GALNTL5: variants seen among roughly 807,000 people sequenced by gnomAD.
The protein encoded by GALNTL5 is inactive polypeptide N-acetylgalactosaminyltransferase-like protein 5.
In GALNTL5, 44 loss-of-function variants were observed where a neutral mutation model predicts 51.0. The observed-to-expected ratio is 0.86, with a 90% CI of 0.68 to 1.11. GALNTL5 has a LOEUF of 1.11. GALNTL5 is among the 50% of genes least tolerant of loss of function. The pLI is 0.00. For missense variants in GALNTL5, 528 were observed against 531.8 expected (o/e 0.99, Z 0.07); for synonymous variants, 192 against 182.8 (o/e 1.05, Z -0.41).
intron 5 of GALNTL5, among the ~76,000 whole-genome samples, chr7:151,996,063 A>G (rs967795950): frequency 6.6e-6 from 1 of 152,202 alleles, no homozygotes; most frequent in African/African-American, 2.4e-5. Flanking sequence ...TTTTTACAAA[A>G]TCCAGATGGC....
intron 3 of GALNTL5, chr7:151,982,743 C>A: frequency 1.5e-6 from 1 of 674,272 alleles, no homozygotes; most frequent in South Asian, 1.7e-5. Context: ...TCAACACAGT[C>A]TCAGGAAAGA....
At chr7:151,977,402 G>A (rs537358661) in intron 3 of GALNTL5, among the ~76,000 whole-genome samples, 22 of 152,142 alleles carry the variant, frequency 1.4e-4, no homozygotes, top group African/African-American at 1.9e-4. Context: ...AGCTGGGTAC[G>A]AACTTATGAG....
chr7:151,987,494 C>T (rs2081372702), intron 5 of GALNTL5, among the ~76,000 whole-genome samples: 1 of 152,162 alleles, frequency 6.6e-6, no homozygotes, highest in South Asian at 2.1e-4. Context: ...TGAAGATATT[C>T]TTTCGCAGGG....
intron 4 of GALNTL5, among the ~76,000 whole-genome samples, chr7:151,986,351 A>G (rs1360987519): frequency 6.6e-6 from 1 of 152,204 alleles, no homozygotes; most frequent in Non-Finnish European, 1.5e-5. Flanking sequence ...TAATATTTAC[A>G]GGGCGAGGCG....
intron 8 of GALNTL5, among the ~76,000 whole-genome samples, chr7:152,016,009 T>C (rs2081808350): frequency 6.6e-6 from 1 of 152,240 alleles, no homozygotes; most frequent in Non-Finnish European, 1.5e-5. Context: ...ACTTTAATTA[T>C]GAAGGTAATA....
At chr7:151,996,256 G>A (rs1363875889) in intron 5 of GALNTL5, among the ~76,000 whole-genome samples, 1 of 151,680 alleles carries the variant, frequency 6.6e-6, no homozygotes, top group Non-Finnish European at 1.5e-5. Context: ...TGTGCACAAT[G>A]TGCAGGTTAG....
At chr7:151,971,138 G>T in intron 3 of GALNTL5, 73 bp downstream of exon 3, 1 of 625,428 alleles carries the variant, frequency 1.6e-6, no homozygotes, top group Non-Finnish European at 2.5e-6. Flanking sequence ...TAGATAGATA[G>T]AAAGAAAACA....
rs201548642 is a variant in GALNTL5 at position 152,014,676 on chromosome 7, C to T, written c.1059C>T (p.Ile353=). The change falls in exon 8 of 9, where the codon ATC becomes ATT. Residue 353 remains isoleucine, a synonymous_variant. Coordinates refer to ENST00000392800, the MANE Select transcript of GALNTL5 (RefSeq NM_145292.4). The stretch of plus-strand genomic sequence containing the variant: ...TGTGTGGAGGCCAACTCTTTATAAT[C>T]CCCTGCTCTCGAGTAGGACATATCA... ...IWMCGGQLFI[I]PCSRVGHISK... The T allele has an allele frequency of 1.5e-5, 24 of 1,612,286 alleles. No individual in the cohort carries two copies. In the Admixed American group the frequency reaches 1.5e-4, roughly 10 times the overall value.
chr7:151,962,351 T>C (rs1337866904), intron 1 of GALNTL5, among the ~76,000 whole-genome samples: 1 of 151,768 alleles, frequency 6.6e-6, no homozygotes, highest in Non-Finnish European at 1.5e-5. Flanking sequence ...TTTAATTAAT[T>C]TTATACATCA....
chr7:151,997,401 T>C (rs4236435), intron 5 of GALNTL5, among the ~76,000 whole-genome samples: 103,611 of 152,026 alleles, frequency 0.68, 36,057 homozygotes, highest in East Asian at 0.88. Context: ...ACTTTAGGTT[T>C]CCACAAAATA....
intron 3 of GALNTL5, 104 bp from the exon 4 acceptor site, chr7:151,982,882 T>C: frequency 6.3e-7 from 1 of 1,599,576 alleles, no homozygotes; most frequent in South Asian, 1.1e-5. Flanking sequence ...GTTGAAGGAG[T>C]AAAGAGTCAA....
At chr7:151,982,935 C>A in intron 3 of GALNTL5, 51 bp from the exon 4 acceptor site, 1 of 1,613,132 alleles carries the variant, frequency 6.2e-7, no homozygotes, top group Non-Finnish European at 8.5e-7. Flanking sequence ...GATGACACAA[C>A]ATCCAAGGCA....
At chr7:152,014,474 G>C (rs1423768791) in intron 7 of GALNTL5, among the ~76,000 whole-genome samples, 170 bp from the exon 8 acceptor site, 1 of 152,030 alleles carries the variant, frequency 6.6e-6, no homozygotes, top group Non-Finnish European at 1.5e-5. Context: ...CACCACGTTG[G>C]CCAGGCTGGT....
At chr7:152,001,218 T>C (rs1016790841) in intron 5 of GALNTL5, among the ~76,000 whole-genome samples, 2 of 152,040 alleles carry the variant, frequency 1.3e-5, no homozygotes, top group Admixed American at 6.6e-5. Flanking sequence ...AGCCATTTTT[T>C]TTTTTTCATT....
chr7:151,998,500 G>T (rs2081528280), intron 5 of GALNTL5, among the ~76,000 whole-genome samples: 1 of 152,110 alleles, frequency 6.6e-6, no homozygotes, highest in Non-Finnish European at 1.5e-5. Context: ...AGCTGGGCAT[G>T]GTGGCTCACG....
intron 5 of GALNTL5, chr7:151,995,093 T>C (rs1461418183): frequency 6.6e-6 from 1 of 152,572 alleles, no homozygotes; most frequent in Admixed American, 6.5e-5. Context: ...CTCATCACTA[T>C]CTGTCCATTT....
chr7:151,958,232 C>A lies in GALNTL5; in HGVS notation c.-40+1623C>A, dbSNP rs571612089. On this transcript the variant is annotated intron_variant, in intron 1 of 8. Transcript: ENST00000392800. Reference sequence around the variant, plus strand: ...CTGGGCTTGCTCTCCCCACTGGACGCAGCAGGCTGCACTCGGCTGGCACTA... The same window carrying A: ...CTGGGCTTGCTCTCCCCACTGGACGAAGCAGGCTGCACTCGGCTGGCACTA... Among the ~76,000 whole-genome samples, 255 of 152,378 alleles carry A rather than the reference C, an allele frequency of 1.7e-3. 1 individual carries two copies. The highest frequency in any genetic ancestry group is 5.6e-3 in the African/African-American group (235 of 41,594).
Position 152,003,081 on chromosome 7 carries a change from TG to T in GALNTL5, c.908+119del, listed in dbSNP as rs2081603116. 3.5e-6 allele frequency: 3 copies of T among 857,324 alleles called. No individual in the cohort carries two copies. In the Admixed American group the frequency reaches 7.5e-5, roughly 21 times the overall value. 53.1% of individuals were successfully genotyped at this position (857,324 alleles called of 1,614,324 possible). A position where few individuals can be genotyped will look rare whatever the true frequency, so the allele number is the denominator to read the frequency against. ...GGCTTAATCAAAATGTTATGTTACT[TG>T]TTTCTAGAAGTCTTTAATACAGTAA... On this transcript the variant is annotated intron_variant, in intron 6 of 8. Transcript: ENST00000392800.
chr7:151,959,738 A>G (rs561587185), intron 1 of GALNTL5, among the ~76,000 whole-genome samples: 2 of 152,282 alleles, frequency 1.3e-5, no homozygotes, highest in East Asian at 3.9e-4. Flanking sequence ...CACACAGGCT[A>G]AGTTGTAATG....
Sources: gnomAD v4.1 joint callset for allele counts (sites outside exome capture counted in the v4.1 genomes callset) on GRCh38, gnomAD v4.1.1 for gene constraint, MANE v1.5 for transcripts, NCBI Gene and HGNC (gene_info 2026-07-23, HGNC 2026-07-21) for gene names.